Variants in LEKR1 observed in about 807,000 individuals in gnomAD.
LEKR1 encodes the protein leucine, glutamate and lysine rich 1.
In LEKR1, 59 loss-of-function variants were observed where a neutral mutation model predicts 72.4. The observed-to-expected ratio is 0.82, with a 90% CI of 0.66 to 1.01. The LOEUF is 1.01. Ranked by LOEUF, LEKR1 falls within the 50% of genes least tolerant of loss-of-function variation. The probability of loss-of-function intolerance (pLI) is 0.00; values close to 1 mark genes in which losing one functional copy is unlikely to be tolerated. For missense variants in LEKR1, 728 were observed against 759.2 expected, an observed-to-expected ratio of 0.96 and a Z score of 0.48; for synonymous variants, 257 against 263.2, an observed-to-expected ratio of 0.98 and a Z score of 0.23.
intron 2 of LEKR1, among the ~76,000 whole-genome samples, chr3:156,843,849 G>A (rs1428843807): frequency 6.6e-6 from 1 of 151,844 alleles, no homozygotes; most frequent in Non-Finnish European, 1.5e-5. Context: ...GTGTGTGGAC[G>A]TTTATGTGTG....
chr3:156,980,651 C>G (rs1277809518), intron 7 of LEKR1, among the ~76,000 whole-genome samples: 4 of 152,072 alleles, frequency 2.6e-5, no homozygotes, highest in Non-Finnish European at 5.9e-5. Context: ...GGAAAGCAGT[C>G]TAGTCAGGCC....
Position 157,003,178 on chromosome 3 carries a change from T to TCTAACAAGCACATGACTAGAC in LEKR1, c.1110-8234_1110-8214dup, listed in dbSNP as rs537180337. Among the ~76,000 whole-genome samples the TCTAACAAGCACATGACTAGAC allele has an allele frequency of 1.3e-3, 200 of 152,312 alleles. 1 individual carries two copies. The East Asian group carries it at 0.03, about 22-fold the overall frequency. On this transcript the variant is annotated intron_variant, in intron 9 of 12. Transcript: ENST00000356539. ...CAAATTGTTAGGCTCTCTGGATACT[T>TCTAACAAGCACATGACTAGAC]CTAACAAGCACATGACTAGACACAT...
chr3:156,916,882 G>A (rs1234406764), intron 3 of LEKR1, among the ~76,000 whole-genome samples: 1 of 152,088 alleles, frequency 6.6e-6, no homozygotes, highest in African/African-American at 2.4e-5. Flanking sequence ...GCATGATGTT[G>A]GTTGTGAGAG....
intron 11 of LEKR1, among the ~76,000 whole-genome samples, chr3:157,026,051 A>G (rs1293809311): frequency 6.6e-6 from 1 of 150,516 alleles, no homozygotes; most frequent in African/African-American, 2.5e-5. Context: ...CTCCTTCTCT[A>G]AAAGAAAAAA....
chr3:156,877,481 GT>G (rs1382387189), intron 3 of LEKR1, among the ~76,000 whole-genome samples: 3 of 151,942 alleles, frequency 2.0e-5, no homozygotes, highest in Non-Finnish European at 4.4e-5. Flanking sequence ...TTTTACTACT[GT>G]TTTAGTCTCA....
chr3:157,039,121 AGATG>A (rs549163523), intron 12 of LEKR1, among the ~76,000 whole-genome samples: 577 of 152,334 alleles, frequency 3.8e-3, no homozygotes, highest in Non-Finnish European at 6.4e-3. Context: ...AGGGCTACCA[AGATG>A]ATAGGAAAAA....
chr3:156,949,386 C>G (rs540441300), intron 6 of LEKR1, among the ~76,000 whole-genome samples: 18 of 151,698 alleles, frequency 1.2e-4, no homozygotes, highest in African/African-American at 4.3e-4. Context: ...ATATGGCTAG[C>G]CAGTTATCCC....
chr3:157,001,642 C>G (rs182987167), intron 9 of LEKR1, among the ~76,000 whole-genome samples: 1 of 152,244 alleles, frequency 6.6e-6, no homozygotes, highest in East Asian at 1.9e-4. Flanking sequence ...TTAAACCTAT[C>G]TGGTGAAATT....
intron 6 of LEKR1, among the ~76,000 whole-genome samples, chr3:156,977,227 G>T (rs1729773333): frequency 6.6e-6 from 1 of 152,188 alleles, no homozygotes; most frequent in African/African-American, 2.4e-5. Flanking sequence ...TAGGGATCCT[G>T]CCTGGTGGTG....
At chr3:156,992,601 C>A in intron 7 of LEKR1, 52 bp from the exon 8 acceptor site, 1 of 341,286 alleles carries the variant, frequency 2.9e-6, no homozygotes. Context: ...TACAGAAAAA[C>A]ATATACTTTA....
chr3:157,024,645 G>A (rs1734064936), intron 10 of LEKR1, 115 bp from the exon 11 acceptor site: 1 of 837,850 alleles, frequency 1.2e-6, no homozygotes, highest in African/African-American at 1.8e-5. Context: ...TTTTAAAATA[G>A]TTTAATTAAA....
chr3:157,025,236 T>C (rs781222468), intron 11 of LEKR1, among the ~76,000 whole-genome samples: 1 of 152,192 alleles, frequency 6.6e-6, no homozygotes, highest in African/African-American at 2.4e-5. Flanking sequence ...ATATCCAACA[T>C]TGAAAGATAA....
rs1316335547 is a variant in LEKR1, at chr3:156,842,349, C to CT, written c.49-10409dup. On this transcript the variant is annotated intron_variant, in intron 2 of 12. Coordinates refer to ENST00000356539, the MANE Select transcript of LEKR1 (RefSeq NM_001004316.3). Reference sequence around the variant, plus strand: ...TGTGCAGTGACAGGTCTTTCAAAGGCTTTTTTTTTTCTTTCTTGTTCTGTT... The same window carrying CT: ...TGTGCAGTGACAGGTCTTTCAAAGGCTTTTTTTTTTTCTTTCTTGTTCTGTT... Among the ~76,000 whole-genome samples the CT allele has an allele frequency of 9.7e-4, 144 of 148,324 alleles. No homozygotes were observed. In the East Asian group the frequency reaches 0.01, roughly 11 times the overall value.
At chr3:156,969,092 C>G (rs1576918167) in intron 6 of LEKR1, among the ~76,000 whole-genome samples, 1 of 152,108 alleles carries the variant, frequency 6.6e-6, no homozygotes, top group East Asian at 1.9e-4. Flanking sequence ...AACAAAGACA[C>G]AACATACCAG....
intron 12 of LEKR1, among the ~76,000 whole-genome samples, chr3:157,037,358 A>T (rs1295421293): frequency 6.6e-6 from 1 of 152,166 alleles, no homozygotes; most frequent in Non-Finnish European, 1.5e-5. Context: ...AATTAAAAAT[A>T]ATAGAAAGGA....
Position 157,045,601 on chromosome 3 carries a change from A to G in LEKR1, c.1930A>G (p.Thr644Ala), listed in dbSNP as rs1395339782. The change falls in exon 13 of 13, where the codon ACT (threonine) becomes GCT (alanine). Residue 644 changes from threonine to alanine, a missense_variant. Thr to Ala is a moderately conservative substitution (Grantham distance 58). Transcript: ENST00000356539. ...CCTGCGCGGGGTGTCAAAACCCACC[A>G]CTTTCCCAACCTCAGATAAGCCGAA... is the stretch of plus-strand genomic sequence containing the variant. ...PNLRGVSKPT[T>A]FPTSDKPKRV... 6.2e-7 allele frequency: 1 copy of G among 1,614,040 alleles called. No individual in the cohort carries two copies. Among genetic ancestry groups the G allele is most frequent in the Non-Finnish European group, 8.5e-7 (1 of 1,180,038 alleles).
At chr3:156,895,721 CA>C (rs1721113952) in intron 3 of LEKR1, among the ~76,000 whole-genome samples, 2 of 152,088 alleles carry the variant, frequency 1.3e-5, no homozygotes, top group Non-Finnish European at 2.9e-5. Flanking sequence ...CAGATGCTGG[CA>C]AAATTGCAGA....
chr3:156,992,970 C>A, intron 8 of LEKR1, 104 bp from the exon 9 acceptor site: 1 of 592,178 alleles, frequency 1.7e-6, no homozygotes, highest in Non-Finnish European at 2.7e-6. Flanking sequence ...TTTAAAGTTA[C>A]AGTTATAATC....
intron 3 of LEKR1, among the ~76,000 whole-genome samples, chr3:156,889,337 C>A (rs906983391): frequency 1.6e-4 from 24 of 149,428 alleles, no homozygotes; most frequent in African/African-American, 5.6e-4. Flanking sequence ...CCCTGTACCT[C>A]TTTTTTTCTC....
Sources: allele counts gnomAD v4.1 joint callset (sites outside exome capture counted in the v4.1 genomes callset), GRCh38; gene constraint gnomAD v4.1.1; transcripts MANE v1.5; gene names NCBI Gene and HGNC (gene_info 2026-07-23, HGNC 2026-07-21).